The following CLCN5 variants were observed in gnomAD, a reference collection of about 807,000 sequenced individuals.
The protein encoded by CLCN5 is H(+)/Cl(-) exchange transporter 5.
A neutral mutation model predicts 54.0 loss-of-function variants in CLCN5; 17 were observed. The ratio of observed to expected loss-of-function variants is 0.31; its 90% CI spans 0.22 to 0.47. The LOEUF (loss-of-function observed/expected upper bound fraction) is 0.47. Ranked by LOEUF, CLCN5 falls within the 20% of genes least tolerant of loss-of-function variation. The pLI is 1.00. For missense variants in CLCN5, 448 were observed against 646.7 expected (o/e 0.69, Z 3.33); for synonymous variants, 222 against 233.0 (o/e 0.95, Z 0.43).
chrX:49,954,563 G>A (rs1203431627), intron 3 of CLCN5, among the ~76,000 whole-genome samples: 1 of 110,642 alleles, frequency 9.0e-6, no homozygotes, highest in African/African-American at 3.3e-5. Context: ...AGGAGAGACT[G>A]TGCCATATGT....
intron 7 of CLCN5, among the ~76,000 whole-genome samples, chrX:50,077,303 A>G (rs1166615278): frequency 9.0e-6 from 1 of 111,138 alleles, no homozygotes; most frequent in Non-Finnish European, 1.9e-5. Flanking sequence ...TTCTCAAACT[A>G]GGGTAAGGTC....
intron 3 of CLCN5, among the ~76,000 whole-genome samples, chrX:50,006,608 C>T (rs1042568387): frequency 1.8e-4 from 20 of 111,697 alleles, no homozygotes; most frequent in Admixed American, 1.7e-3. Flanking sequence ...TTTTTCTTTC[C>T]TAACTCCCAT....
Position 50,080,691 on chromosome X carries a change from A to G in CLCN5, c.701A>G (p.Tyr234Cys). Residue 234 changes from tyrosine to cysteine, a missense_variant, in exon 8 of 15, where the codon TAT becomes TGT. Coordinates refer to ENST00000376091, the MANE Select transcript of CLCN5 (RefSeq NM_001127898.4). ...TCTCTTGTCAAGGTGTTTGCGCCTTATGCCTGTGGCTCTGGAATCCCTGAG... is the reference window on the plus strand; with the variant it reads ...TCTCTTGTCAAGGTGTTTGCGCCTTGTGCCTGTGGCTCTGGAATCCCTGAG... Reference protein sequence around the residue: ...AVSLVKVFAPYACGSGIPEIK... With the variant: ...AVSLVKVFAPCACGSGIPEIK... 1 of 1,205,799 alleles carries G rather than the reference A, an allele frequency of 8.3e-7. No individual in the cohort carries two copies. The highest frequency in any genetic ancestry group is 1.1e-6 in the Non-Finnish European group (1 of 890,315).
At chrX:49,931,327 A>C (rs782728783) in intron 3 of CLCN5, among the ~76,000 whole-genome samples, 10 of 111,551 alleles carry the variant, frequency 9.0e-5, no homozygotes, top group Non-Finnish European at 1.5e-4. Flanking sequence ...GGATAGTATA[A>C]AAAAAAGTCT....
chrX:49,982,952 A>G (rs182180024), intron 3 of CLCN5, among the ~76,000 whole-genome samples: 69 of 112,224 alleles, frequency 6.1e-4, no homozygotes, highest in Non-Finnish European at 1.0e-3. Flanking sequence ...CCTTGAGATC[A>G]GAGACTGGAT....
intron 4 of CLCN5, among the ~76,000 whole-genome samples, chrX:50,047,693 C>T (rs1557187918): frequency 2.7e-5 from 3 of 111,593 alleles, no homozygotes; most frequent in African/African-American, 9.8e-5. Context: ...TTGGCTGTGA[C>T]AGTTTCTCAG....
At chrX:49,960,667 T>A (rs1286865126) in intron 3 of CLCN5, among the ~76,000 whole-genome samples, 2 of 110,451 alleles carry the variant, frequency 1.8e-5, no homozygotes, top group Non-Finnish European at 3.8e-5. Flanking sequence ...TAACCTCATT[T>A]TCCTTTTTAC....
intron 3 of CLCN5, among the ~76,000 whole-genome samples, chrX:50,033,501 G>A (rs908074688): frequency 9.0e-6 from 1 of 111,314 alleles, no homozygotes; most frequent in Non-Finnish European, 1.9e-5. Context: ...ACAAACCACT[G>A]CTCAATGAAA....
intron 4 of CLCN5, chrX:50,067,885 T>G (rs1489712791): frequency 5.1e-6 from 1 of 195,267 alleles, no homozygotes; most frequent in Non-Finnish European, 7.7e-6. Context: ...GGCCTGACAA[T>G]TGCGTTTCTA....
At chrX:50,017,994 T>G (rs1263571391) in intron 3 of CLCN5, among the ~76,000 whole-genome samples, 1 of 111,795 alleles carries the variant, frequency 8.9e-6, no homozygotes, top group Non-Finnish European at 1.9e-5. Flanking sequence ...AGAATCAGTT[T>G]GTTGATACCC....
intron 3 of CLCN5, among the ~76,000 whole-genome samples, chrX:49,969,509 A>G (rs1419130177): frequency 8.9e-6 from 1 of 112,349 alleles, no homozygotes; most frequent in African/African-American, 3.2e-5. Context: ...CCTTTTGATT[A>G]CTTCTTTGAT....
chrX:50,050,079 T>C (rs1294978335), intron 4 of CLCN5, among the ~76,000 whole-genome samples: 9 of 112,498 alleles, frequency 8.0e-5, no homozygotes, highest in Non-Finnish European at 1.7e-4. Flanking sequence ...TATATACTAC[T>C]GTTTGTTTAT....
chrX:50,059,509 G>C (rs1932817817), intron 4 of CLCN5, among the ~76,000 whole-genome samples: 1 of 111,334 alleles, frequency 9.0e-6, no homozygotes, highest in African/African-American at 3.3e-5. Flanking sequence ...AAGTTGGTAA[G>C]AATTTCTTTA....
intron 3 of CLCN5, among the ~76,000 whole-genome samples, chrX:49,962,321 C>T (rs1036690282): frequency 2.7e-5 from 3 of 111,520 alleles, no homozygotes; most frequent in Non-Finnish European, 3.8e-5. Context: ...CTTCTCCCAA[C>T]GTCACGCAGC....
At chrX:50,058,346 A>T (rs1239277220) in intron 4 of CLCN5, among the ~76,000 whole-genome samples, 1 of 111,413 alleles carries the variant, frequency 9.0e-6, no homozygotes, top group Non-Finnish European at 1.9e-5. Context: ...TAGTTCACTT[A>T]ATCAGTTACT....
chrX:49,995,899 G>A (rs1477501422), intron 3 of CLCN5, among the ~76,000 whole-genome samples: 1 of 111,788 alleles, frequency 8.9e-6, no homozygotes, highest in African/African-American at 3.3e-5. Flanking sequence ...TAGGTAGCTT[G>A]CCCAGGATGA....
In CLCN5 at chrX:49,925,199, CAG is replaced by C. The variant is rs1470037089; in HGVS notation, c.-99_-98del. 8.7e-6 allele frequency: 8 copies of C among 919,417 alleles called. No homozygotes were observed. Among genetic ancestry groups the C allele is most frequent in the African/African-American group, 1.9e-5 (1 of 51,671 alleles). 75.8% of individuals were successfully genotyped at this position (919,417 alleles called of 1,213,427 possible). On this transcript the variant is annotated 5_prime_UTR_variant, in exon 3 of 15. Transcript: ENST00000376091. ...TGGGGCTTTAGCCCCTTGGAGAAAA[CAG>C]GGCCACATAGCTGCCTTTCTATCAA...
At chrX:50,078,797 G>A (rs1933549357) in intron 7 of CLCN5, among the ~76,000 whole-genome samples, 1 of 111,956 alleles carries the variant, frequency 8.9e-6, no homozygotes, top group African/African-American at 3.3e-5. Context: ...TCCTTCCCTG[G>A]GGAAAGAGTC....
intron 3 of CLCN5, among the ~76,000 whole-genome samples, chrX:49,980,966 T>C (rs1414823408): frequency 1.8e-5 from 2 of 111,918 alleles, no homozygotes; most frequent in African/African-American, 6.5e-5. Context: ...TTGCTTTCCT[T>C]TTAAACTTTT....
Sources: allele counts gnomAD v4.1 joint callset (sites outside exome capture counted in the v4.1 genomes callset), GRCh38; gene constraint gnomAD v4.1.1; transcripts MANE v1.5; gene names NCBI Gene and HGNC (gene_info 2026-07-23, HGNC 2026-07-21).